The following PRAMEF1 variants were observed in gnomAD, a reference collection of about 807,000 sequenced individuals.
PRAMEF1 encodes the protein PRAME family member 1.
PRAMEF1 carries 21 observed loss-of-function variants against 38.2 expected under a neutral mutation model. The ratio of observed to expected loss-of-function variants is 0.55; its 90% CI spans 0.39 to 0.79. The LOEUF (loss-of-function observed/expected upper bound fraction) is 0.79. PRAMEF1 is among the 30% of genes least tolerant of loss of function. PRAMEF1 has a pLI of 0.00. For missense variants in PRAMEF1, 497 were observed against 565.8 expected (o/e 0.88, Z 1.23); for synonymous variants, 200 against 229.0 (o/e 0.87, Z 1.14).
intron 1 of PRAMEF1, among the ~76,000 whole-genome samples, chr1:12,791,976 T>TA (rs1193295614): frequency 2.0e-5 from 3 of 151,212 alleles, no homozygotes; most frequent in African/African-American, 7.3e-5. Context: ...ACCTTCATCT[T>TA]AGAGTTACAG....
At position 12,791,628 on chromosome 1, in the gene PRAMEF1, T is replaced by C. The variant is rs1173568846; in HGVS notation, c.-26+154T>C. ...TTCATTTTTCCTCTAAATGTAGTTTTGTCTTCATCCATCAAATTGTGATTT... is the reference window on the plus strand; with the variant it reads ...TTCATTTTTCCTCTAAATGTAGTTTCGTCTTCATCCATCAAATTGTGATTT... On this transcript the variant is annotated intron_variant, in intron 1 of 3. Transcript: ENST00000332296. 2.0e-5 allele frequency among the ~76,000 whole-genome samples: 3 copies of C among 150,108 alleles called. No homozygotes were observed. The Admixed American group carries it at 2.0e-4, about 10-fold the overall frequency.
chr1:12,794,334 A>C lies in PRAMEF1; in HGVS notation c.707A>C (p.Lys236Thr), dbSNP rs567706381. The change falls in exon 3 of 4, where the codon AAA (lysine) becomes ACA (threonine). Residue 236 changes from lysine (K) to threonine (T), a missense_variant. Lys to Thr is a moderately conservative substitution (Grantham distance 78, BLOSUM62 -1). Transcript: ENST00000332296. ...CYLKEMKNLR[K>T]LVFSRCHHYT... ...CTGAAGGAGATGAAGAATCTTCGCAAACTCGTTTTCTCCAGGTGCCATCAT... is the reference window on the plus strand; with the variant it reads ...CTGAAGGAGATGAAGAATCTTCGCACACTCGTTTTCTCCAGGTGCCATCAT... 133 of 1,612,174 alleles carry C rather than the reference A, an allele frequency of 8.2e-5. 3 individuals are homozygous for C. The highest frequency in any genetic ancestry group is 1.1e-4 in the Non-Finnish European group (130 of 1,179,050).
chr1:12,792,526 G>A (rs977856537), intron 1 of PRAMEF1, among the ~76,000 whole-genome samples: 6 of 151,056 alleles, frequency 4.0e-5, no homozygotes, highest in African/African-American at 1.2e-4. Flanking sequence ...GAGTAGCTAG[G>A]ATTACAGTCA....
chr1:12,794,502 G>T lies in PRAMEF1; in HGVS notation c.866+9G>T. On this transcript the variant is annotated intron_variant, in intron 3 of 3. Transcript: ENST00000332296. ...CTGGAACAGCTGATCAGGTGAGAAA[G>T]GATCATGCACTTTGTATGCAGACCA... 1 of 1,609,940 alleles carries T rather than the reference G, an allele frequency of 6.2e-7. No homozygotes were observed.
At chr1:12,794,721 A>G in intron 3 of PRAMEF1, 1 of 1,413,306 alleles carries the variant, frequency 7.1e-7, no homozygotes, top group Admixed American at 2.5e-5. Context: ...CTAGAGAGGG[A>G]CATCATGTAC....
At chr1:12,794,856 G>C (rs565072473) in intron 3 of PRAMEF1, 16 of 1,327,504 alleles carry the variant, frequency 1.2e-5, no homozygotes, top group Non-Finnish European at 1.4e-5. Flanking sequence ...GAGGGAAAGC[G>C]CATCAAACCT....
rs1314031562 is a variant in PRAMEF1, at chr1:12,793,249, A to T, written c.22A>T (p.Arg8Ter). ...CAGGATGAGCATCCAGGCCCCACCC[A>T]GACTACTGGAGCTGGCAGGGCAGAG... MSIQAPP[R>*]LLELAGQSLL... Residue 8 changes from arginine to a stop codon, truncating the protein, a stop_gained, in exon 2 of 4, where the codon AGA (arginine) becomes TGA (stop). Transcript: ENST00000332296. LOFTEE classifies it high-confidence loss of function. The T allele has an allele frequency of 1.2e-6, 2 of 1,606,768 alleles. No homozygotes were observed.
Position 12,795,686 on chromosome 1 carries a change from G to T in PRAMEF1, c.1115G>T (p.Gly372Val), listed in dbSNP as rs1063795. 1.2e-6 allele frequency: 2 copies of T among 1,611,348 alleles called. No homozygotes were observed. The highest frequency in any genetic ancestry group is 1.1e-5 in the South Asian group (1 of 90,922). The part of the protein sequence containing the change: ...HYSQLSAILP[G>V]LSRCSQLTTF... ...TCCCAACTCAGTGCCATCCTGCCTGGCCTGAGCCGCTGCTCCCAGCTCACC... is the reference window on the plus strand; with the variant it reads ...TCCCAACTCAGTGCCATCCTGCCTGTCCTGAGCCGCTGCTCCCAGCTCACC... The change falls in exon 4 of 4, where the codon GGC becomes GTC. Residue 372 changes from glycine to valine, a missense_variant. Transcript: ENST00000332296.
Position 12,795,880 on chromosome 1 carries a change from C to T in PRAMEF1, c.1309C>T (p.Leu437=). The change falls in exon 4 of 4, where the codon CTG becomes TTG. Residue 437 remains leucine (L), a synonymous_variant. Coordinates refer to ENST00000332296, the MANE Select transcript of PRAMEF1 (RefSeq NM_023013.4). Reference sequence around the variant, plus strand: ...GATCTTCACCCCACTTCGGGCTGAGCTGATGTGTACACTGAGGGAAGTCAG... The same window carrying T: ...GATCTTCACCCCACTTCGGGCTGAGTTGATGTGTACACTGAGGGAAGTCAG... ...WEIFTPLRAE[L]MCTLREVRQP... 1.2e-6 allele frequency: 2 copies of T among 1,611,044 alleles called. No individual in the cohort carries two copies. The highest frequency in any genetic ancestry group is 2.2e-5 in the South Asian group (2 of 90,916).
chr1:12,792,589 T>A (rs1639312240), intron 1 of PRAMEF1, among the ~76,000 whole-genome samples: 1 of 151,334 alleles, frequency 6.6e-6, no homozygotes. Context: ...CAATTTGTTT[T>A]TGTTTGAGTC....
At position 12,793,801 on chromosome 1, in the gene PRAMEF1, AAG is replaced by A. The variant is rs1427993226; in HGVS notation, c.288-110_288-109del. 2 of 1,415,970 alleles carry A rather than the reference AAG, an allele frequency of 1.4e-6. 1 individual carries two copies. The highest frequency in any genetic ancestry group is 1.9e-6 in the Non-Finnish European group (2 of 1,035,994). The allele number at this position is 1,415,970 out of a possible 1,614,324, so 87.7% of individuals were successfully genotyped here. On this transcript the variant is annotated intron_variant, in intron 2 of 3. Coordinates refer to ENST00000332296, the MANE Select transcript of PRAMEF1 (RefSeq NM_023013.4). ...AGGGAACAGGGATTGAGAAAAGACA[AAG>A]AGAACAGGGAGCACTGAGGACAGGA...
At chr1:12,793,551 G>T (rs774339822) in intron 2 of PRAMEF1, 37 bp downstream of exon 2, 1 of 1,583,532 alleles carries the variant, frequency 6.3e-7, no homozygotes, top group East Asian at 2.3e-5. Context: ...ATAGGGCTCA[G>T]GTGTCCAGGG....
Position 12,793,373 on chromosome 1 carries a change from T to C in PRAMEF1, c.146T>C (p.Phe49Ser). 1 of 1,609,928 alleles carries C rather than the reference T, an allele frequency of 6.2e-7. No homozygotes were observed. The highest frequency in any genetic ancestry group is 1.3e-5 in the African/African-American group (1 of 74,770). Residue 49 changes from phenylalanine (F) to serine (S), a missense_variant, in exon 2 of 4, where the codon TTC becomes TCC. Physicochemically the swap from Phe to Ser is radical, Grantham distance 155. This residue lies in a region of PRAMEF1 where 470 missense variants were observed against 501.9 expected (regional missense o/e 0.94). Transcript: ENST00000332296. ...LFMEAFSRRH[F>S]QTLTVMVQAW... ...ATGGAGGCCTTCAGCAGGAGACACT[T>C]CCAGACTCTGACGGTGATGGTTCAG... is the stretch of plus-strand genomic sequence containing the variant.
intron 1 of PRAMEF1, among the ~76,000 whole-genome samples, chr1:12,792,103 T>G (rs1480740065): frequency 2.0e-5 from 3 of 150,954 alleles, no homozygotes; most frequent in Non-Finnish European, 4.4e-5. Context: ...CTCACTGAAA[T>G]TTCTGCCTCC....
chr1:12,793,997 T>A lies in PRAMEF1; in HGVS notation c.370T>A (p.Cys124Ser). 5 of 1,608,306 alleles carry A rather than the reference T, an allele frequency of 3.1e-6. No homozygotes were observed. Among genetic ancestry groups the A allele is most frequent in the Non-Finnish European group, 4.2e-6 (5 of 1,177,858 alleles). ...ATGGCCTGGAGCCTGGGCCCTGTCCTGCTTCCCAGAGACCACGAGTAAGAG... is the reference window on the plus strand; with the variant it reads ...ATGGCCTGGAGCCTGGGCCCTGTCCAGCTTCCCAGAGACCACGAGTAAGAG... ...ARWPGAWALS[C>S]FPETTSKRQT... is the part of the protein sequence containing the mutation. The change falls in exon 3 of 4, where the codon TGC becomes AGC. Residue 124 changes from cysteine to serine, a missense_variant. Transcript: ENST00000332296.
chr1:12,795,736 AT>A lies in PRAMEF1; in HGVS notation c.1166del (p.Met389SerfsTer6). The A allele has an allele frequency of 6.2e-7, 1 of 1,611,376 alleles. No homozygotes were observed. The highest frequency in any genetic ancestry group is 8.5e-7 in the Non-Finnish European group (1 of 1,179,754). On this transcript the variant is annotated frameshift_variant, in exon 4 of 4. Coordinates refer to ENST00000332296, the MANE Select transcript of PRAMEF1 (RefSeq NM_023013.4). LOFTEE classifies it high-confidence loss of function. ...CACCTTCTACTTTGGCAGAAATTGC[AT>A]GTCTATTGACGCCCTGAAGGACCTG... ...LTTFYFGRNC[M>X]SIDALKDLLR...
Position 12,794,268 on chromosome 1 carries a change from A to C in PRAMEF1, c.641A>C (p.Asn214Thr). 6.2e-7 allele frequency: 1 copy of C among 1,611,840 alleles called. No homozygotes were observed. The highest frequency in any genetic ancestry group is 8.5e-7 in the Non-Finnish European group (1 of 1,178,744). Residue 214 changes from asparagine to threonine, a missense_variant, in exon 3 of 4, where the codon AAC becomes ACC. Transcript: ENST00000332296. ...AGTATTCAAGAGCTGGAAATTCGCA[A>C]CATGTCCTGGCCACGTCTGATAAGA... ...LNSIQELEIR[N>T]MSWPRLIRKL...
rs1639404508 is a variant in PRAMEF1, at chr1:12,796,323, G to A, written c.*327G>A. ...TGTGAGGGAAAAAACATAACAGCAG[G>A]GGGCAAGGTTGGAGGAAAATGTTGA... is the stretch of plus-strand genomic sequence containing the variant. On this transcript the variant is annotated 3_prime_UTR_variant, in exon 4 of 4. Transcript: ENST00000332296. 3 of 382,476 alleles carry A rather than the reference G, an allele frequency of 7.8e-6. No individual in the cohort carries two copies. In the South Asian group the frequency reaches 1.1e-4, roughly 14 times the overall value. The allele number at this position is 382,476 out of a possible 1,614,324, so 23.7% of individuals were successfully genotyped here. A position where few individuals can be genotyped will look rare whatever the true frequency, so the allele number is the denominator to read the frequency against.
intron 3 of PRAMEF1, chr1:12,794,896 A>G: frequency 7.5e-7 from 1 of 1,327,276 alleles, no homozygotes; most frequent in Non-Finnish European, 1.0e-6. Context: ...GTCTGTCCTC[A>G]CCGGCTTAGT....
Sources: gnomAD v4.1 joint callset for allele counts (sites outside exome capture counted in the v4.1 genomes callset) on GRCh38, gnomAD v4.1.1 for gene constraint, gnomAD v4.1.1 regional missense constraint, MANE v1.5 for transcripts, NCBI Gene and HGNC (gene_info 2026-07-23, HGNC 2026-07-21) for gene names.